The following OLFM2 variants were observed in gnomAD, a reference collection of about 807,000 sequenced individuals.
OLFM2 encodes olfactomedin 2.
In OLFM2, 20 loss-of-function variants were observed where a neutral mutation model predicts 43.9. The ratio of observed to expected loss-of-function variants is 0.46; its 90% CI spans 0.32 to 0.66. The LOEUF is 0.66. Ranked by LOEUF, OLFM2 falls within the 30% of genes least tolerant of loss-of-function variation. OLFM2 has a pLI of 0.04. For synonymous variants in OLFM2, 268 were observed against 278.6 expected (o/e 0.96, Z 0.38); for missense variants, 416 against 643.6 (o/e 0.65, Z 3.83).
chr19:9,911,221 G>T (rs2046824981), intron 1 of OLFM2, among the ~76,000 whole-genome samples: 1 of 152,104 alleles, frequency 6.6e-6, no homozygotes. Flanking sequence ...GCAAGTTGGG[G>T]ACAAAATCTA....
At chr19:9,930,120 G>A (rs977726364) in intron 1 of OLFM2, among the ~76,000 whole-genome samples, 1 of 151,972 alleles carries the variant, frequency 6.6e-6, no homozygotes, top group Non-Finnish European at 1.5e-5. Context: ...GTGTGATGAT[G>A]ATACAAGCAT....
At chr19:9,934,833 C>G (rs1200407248) in intron 1 of OLFM2, among the ~76,000 whole-genome samples, 1 of 152,184 alleles carries the variant, frequency 6.6e-6, no homozygotes, top group Non-Finnish European at 1.5e-5. Flanking sequence ...ATCCTTCTAT[C>G]TGGAGTCTAA....
intron 1 of OLFM2, among the ~76,000 whole-genome samples, chr19:9,921,106 G>C (rs545154148): frequency 6.6e-6 from 1 of 152,178 alleles, no homozygotes; most frequent in East Asian, 1.9e-4. Flanking sequence ...TCTTTTGTTT[G>C]TTTTGGGATT....
At chr19:9,926,277 G>T (rs897077371) in intron 1 of OLFM2, among the ~76,000 whole-genome samples, 3 of 152,178 alleles carry the variant, frequency 2.0e-5, no homozygotes, top group Non-Finnish European at 4.4e-5. Flanking sequence ...TCTAGGCCAG[G>T]CATGGTGGCT....
chr19:9,904,783 G>T (rs2046770944), intron 1 of OLFM2, among the ~76,000 whole-genome samples: 1 of 152,110 alleles, frequency 6.6e-6, no homozygotes, highest in Non-Finnish European at 1.5e-5. Context: ...ACTCCGGGAG[G>T]CCAAGGTGGG....
chr19:9,931,398 A>AT (rs751004773), intron 1 of OLFM2, among the ~76,000 whole-genome samples: 1 of 151,870 alleles, frequency 6.6e-6, no homozygotes, highest in Non-Finnish European at 1.5e-5. Context: ...AGCCTGGCCA[A>AT]TTTTTTTTAA....
intron 1 of OLFM2, among the ~76,000 whole-genome samples, chr19:9,897,265 T>C (rs1427363748): frequency 6.7e-6 from 1 of 148,842 alleles, no homozygotes; most frequent in Non-Finnish European, 1.5e-5. Flanking sequence ...GAGGTGGAGG[T>C]TGCAGTGAGC....
At chr19:9,920,802 G>A (rs567324865) in intron 1 of OLFM2, among the ~76,000 whole-genome samples, 38 of 151,704 alleles carry the variant, frequency 2.5e-4, no homozygotes, top group African/African-American at 8.7e-4. Context: ...AGCTACTTGG[G>A]AGGCTGAGGC....
chr19:9,900,977 A>AG (rs2046728462), intron 1 of OLFM2, among the ~76,000 whole-genome samples: 1 of 46,464 alleles, frequency 2.2e-5, no homozygotes, highest in African/African-American at 1.6e-4. Flanking sequence ...GAAGGAAGGA[A>AG]GGAAGGAAGG....
chr19:9,855,663 T>C (rs2046311134), intron 5 of OLFM2, among the ~76,000 whole-genome samples: 1 of 152,038 alleles, frequency 6.6e-6, no homozygotes, highest in African/African-American at 2.4e-5. Flanking sequence ...CCCCCCGGAA[T>C]AGCAGGGACT....
In OLFM2 at chr19:9,896,289, C is replaced by T. The variant is rs56732300; in HGVS notation, c.64-35495G>A. Among the ~76,000 whole-genome samples, 1,513 of 151,950 alleles carry T rather than the reference C, an allele frequency of 1.0e-2. 14 individuals are homozygous for T. The highest frequency in any genetic ancestry group is 0.034 in the African/African-American group (1,418 of 41,454). ...CTAATTTTTGTATTTTTAGTAGAGA[C>T]AGGGTTTCACTGTGTTAGCCAGGAT... On this transcript the variant is annotated intron_variant, in intron 1 of 5. Transcript: ENST00000264833.
Position 9,913,464 on chromosome 19 carries a change from C to T in OLFM2, c.63+22840G>A, listed in dbSNP as rs1452992210. ...GTACCACGCCCCCCGGGAGCGCCCC[C>T]CGCGCGGCGGCCACTCACGATTTTC... On this transcript the variant is annotated intron_variant, in intron 1 of 5. Transcript: ENST00000264833. 100 of 1,059,836 alleles carry T rather than the reference C, an allele frequency of 9.4e-5. 1 individual carries two copies. The highest frequency in any genetic ancestry group is 1.7e-4 in the Admixed American group (3 of 17,984). 65.7% of individuals were successfully genotyped at this position (1,059,836 alleles called of 1,614,324 possible). A position where few individuals can be genotyped will look rare whatever the true frequency, so the allele number is the denominator to read the frequency against.
chr19:9,904,402 G>A (rs1403223346), intron 1 of OLFM2, among the ~76,000 whole-genome samples: 1 of 151,860 alleles, frequency 6.6e-6, no homozygotes, highest in Non-Finnish European at 1.5e-5. Flanking sequence ...TGTTGGCCAG[G>A]CTAGTCTCGA....
rs570047648 is a variant in OLFM2 at position 9,856,208 on chromosome 19, C to T, written c.687+599G>A. Among the ~76,000 whole-genome samples, 1 of 152,306 alleles carries T rather than the reference C, an allele frequency of 6.6e-6. No individual in the cohort carries two copies. The highest frequency in any genetic ancestry group is 1.5e-5 in the Non-Finnish European group (1 of 68,038). On this transcript the variant is annotated intron_variant, in intron 5 of 5. Transcript: ENST00000264833. The surrounding 1 kb of genome is among the most constrained non-coding windows in gnomAD (Gnocchi z 4.0). Reference sequence around the variant, plus strand: ...CTGCCTCCAGGGTTCAAGTGATTCTCCTGCCTCAGCCTCCCGAGTAGCTGG... The same window carrying T: ...CTGCCTCCAGGGTTCAAGTGATTCTTCTGCCTCAGCCTCCCGAGTAGCTGG...
chr19:9,925,207 A>T (rs1459609759), intron 1 of OLFM2, among the ~76,000 whole-genome samples: 4 of 152,126 alleles, frequency 2.6e-5, no homozygotes, highest in Non-Finnish European at 5.9e-5. Context: ...CAGTGAGCCT[A>T]GATCACACCA....
intron 1 of OLFM2, among the ~76,000 whole-genome samples, chr19:9,881,554 C>T (rs2046540118): frequency 6.6e-6 from 1 of 152,126 alleles, no homozygotes. Flanking sequence ...AGGGTTGGTT[C>T]CTTCAAGCCT....
In OLFM2 at chr19:9,857,668, A is replaced by G. The variant is rs2046332511; in HGVS notation, c.360+47T>C. On this transcript the variant is annotated intron_variant, in intron 3 of 5. Coordinates refer to ENST00000264833, the MANE Select transcript of OLFM2 (RefSeq NM_058164.4). The surrounding 1 kb of genome is among the most constrained non-coding windows in gnomAD (Gnocchi z 5.7). ...CATTGTAGGAACTAATGGATACCAA[A>G]TCCCAGTCATTTGTTTGACCTCTGG... The G allele has an allele frequency of 6.8e-6, 11 of 1,613,570 alleles. No homozygotes were observed. Among genetic ancestry groups the G allele is most frequent in the African/African-American group, 1.3e-5 (1 of 74,898 alleles).
In OLFM2 at chr19:9,854,531, C is replaced by G; in HGVS notation, c.1020G>C (p.Gln340His). Residue 340 changes from glutamine to histidine, a missense_variant, in exon 6 of 6, where the codon CAG becomes CAC. Transcript: ENST00000264833. The surrounding 1 kb of genome is among the most constrained non-coding windows in gnomAD (Gnocchi z 9.5). Reference sequence around the variant, plus strand: ...GGCTGACCACGATGTTGCCCGCGTTCTGGTTGGTGGTGTACACAGCCCAGA... The same window carrying G: ...GGCTGACCACGATGTTGCCCGCGTTGTGGTTGGTGGTGTACACAGCCCAGA... ...SGLWAVYTTN[Q>H]NAGNIVVSRL... 1 of 1,613,872 alleles carries G rather than the reference C, an allele frequency of 6.2e-7. No homozygotes were observed. The highest frequency in any genetic ancestry group is 8.5e-7 in the Non-Finnish European group (1 of 1,180,036).
At chr19:9,865,817 TAAA>T (rs35276534) in intron 1 of OLFM2, among the ~76,000 whole-genome samples, 1 of 124,136 alleles carries the variant, frequency 8.1e-6, no homozygotes. Context: ...ATCTCATTCT[TAAA>T]AAAAAAAAAA....
Sources: gnomAD v4.1 joint callset for allele counts (sites outside exome capture counted in the v4.1 genomes callset) on GRCh38, gnomAD v4.1.1 for gene constraint, Gnocchi (gnomAD v3.1) non-coding constraint, MANE v1.5 for transcripts, NCBI Gene and HGNC (gene_info 2026-07-23, HGNC 2026-07-21) for gene names.